Variants in SDK2 observed in about 807,000 individuals in gnomAD.
SDK2 encodes the protein sidekick cell adhesion molecule 2, also known as protein sidekick-2.
Under a neutral mutation model 253.9 loss-of-function variants are expected in SDK2, and 105 were observed. That is an observed-to-expected ratio of 0.41 (90% CI 0.35 to 0.49). The LOEUF is 0.49. Ranked by LOEUF, SDK2 falls within the 20% of genes least tolerant of loss-of-function variation. The pLI, the probability that SDK2 is intolerant of heterozygous loss-of-function variation, is 0.06. For synonymous variants in SDK2, 1,249 were observed against 1,234.9 expected, an observed-to-expected ratio of 1.01 and a Z score of -0.24; for missense variants, 2,608 against 3,003.0, an observed-to-expected ratio of 0.87 and a Z score of 3.07.
intron 4 of SDK2, among the ~76,000 whole-genome samples, chr17:73,454,993 G>A (rs533860684): frequency 7.9e-5 from 12 of 152,258 alleles, no homozygotes; most frequent in African/African-American, 2.4e-4. Context: ...GTGAGCCGCC[G>A]CGTCCGGCCT....
chr17:73,545,513 G>A (rs1327357597), intron 1 of SDK2, among the ~76,000 whole-genome samples: 1 of 152,190 alleles, frequency 6.6e-6, no homozygotes, highest in Non-Finnish European at 1.5e-5. Flanking sequence ...GAGAAGGGGT[G>A]CGTTTGAGCT....
chr17:73,436,583 A>AT (rs1360475415), intron 8 of SDK2, among the ~76,000 whole-genome samples: 4 of 143,206 alleles, frequency 2.8e-5, no homozygotes, highest in Middle Eastern at 3.7e-3. Context: ...TCTCAAAAAA[A>AT]AAAAAAAAAA....
At chr17:73,527,217 T>C (rs2064133077) in intron 1 of SDK2, among the ~76,000 whole-genome samples, 1 of 152,114 alleles carries the variant, frequency 6.6e-6, no homozygotes, top group African/African-American at 2.4e-5. Context: ...CATTGGACTG[T>C]CACTCTGCAC....
intron 1 of SDK2, among the ~76,000 whole-genome samples, chr17:73,539,425 A>T (rs929032460): frequency 4.6e-5 from 7 of 151,564 alleles, no homozygotes; most frequent in Admixed American, 1.3e-4. Context: ...TGCTCGGCTC[A>T]GCACAGCCAG....
At chr17:73,368,377 C>A in intron 37 of SDK2, 30 bp downstream of exon 37, 1 of 1,448,698 alleles carries the variant, frequency 6.9e-7, no homozygotes, top group Non-Finnish European at 9.1e-7. Flanking sequence ...GCCGACCTAC[C>A]CCTCCCCTCC....
At chr17:73,418,499 T>C (rs1225054945) in intron 16 of SDK2, among the ~76,000 whole-genome samples, 3 of 152,092 alleles carry the variant, frequency 2.0e-5, no homozygotes, top group Non-Finnish European at 4.4e-5. Flanking sequence ...AATTAACCAA[T>C]AGTGGAGCAG....
intron 1 of SDK2, among the ~76,000 whole-genome samples, chr17:73,586,303 A>T (rs1432493970): frequency 6.6e-6 from 1 of 151,834 alleles, no homozygotes; most frequent in Non-Finnish European, 1.5e-5. Context: ...ATTTATTTAT[A>T]TTCTCTTCAA....
At chr17:73,370,206 A>G (rs914057231) in intron 36 of SDK2, among the ~76,000 whole-genome samples, 3 of 152,160 alleles carry the variant, frequency 2.0e-5, no homozygotes, top group African/African-American at 7.2e-5. Flanking sequence ...TCTTGTTACC[A>G]TGAAATCCTT....
chr17:73,412,486 C>A (rs1209777815), intron 18 of SDK2, among the ~76,000 whole-genome samples: 1 of 151,964 alleles, frequency 6.6e-6, no homozygotes, highest in Non-Finnish European at 1.5e-5. Flanking sequence ...GTTGTGTCTG[C>A]AAAATCTGTA....
chr17:73,628,703 C>T lies in SDK2; in HGVS notation c.64+15322G>A, dbSNP rs938658292. Among the ~76,000 whole-genome samples the T allele has an allele frequency of 4.6e-5, 7 of 152,230 alleles. No homozygotes were observed. The East Asian group carries it at 5.8e-4, about 13-fold the overall frequency. Reference sequence around the variant, plus strand: ...CAGGGAAGTGGCCGTCTGTGCTGCTCATGGGGTAGCCCAAGGCTGGTCACT... The same window carrying T: ...CAGGGAAGTGGCCGTCTGTGCTGCTTATGGGGTAGCCCAAGGCTGGTCACT... On this transcript the variant is annotated intron_variant, in intron 1 of 44. Coordinates refer to ENST00000392650, the MANE Select transcript of SDK2 (RefSeq NM_001144952.2).
chr17:73,553,637 A>G (rs2045098575), intron 1 of SDK2, among the ~76,000 whole-genome samples: 1 of 152,122 alleles, frequency 6.6e-6, no homozygotes, highest in South Asian at 2.1e-4. Flanking sequence ...CACAGCCTCC[A>G]TCCCACCTGC....
At chr17:73,579,414 C>T (rs988653823) in intron 1 of SDK2, among the ~76,000 whole-genome samples, 1 of 152,154 alleles carries the variant, frequency 6.6e-6, no homozygotes, top group Non-Finnish European at 1.5e-5. Flanking sequence ...TTTGGCAGCA[C>T]CCTGCATCCT....
chr17:73,339,282 A>G (rs2062412842), intron 44 of SDK2, among the ~76,000 whole-genome samples: 1 of 148,440 alleles, frequency 6.7e-6, no homozygotes, highest in Non-Finnish European at 1.5e-5. Context: ...GCTGGAGTAC[A>G]TTGGCATGAT....
intron 2 of SDK2, among the ~76,000 whole-genome samples, chr17:73,483,268 G>A (rs2063738126): frequency 6.6e-6 from 1 of 151,452 alleles, no homozygotes; most frequent in Non-Finnish European, 1.5e-5. Flanking sequence ...AGGAGAGTGG[G>A]GCGACCCGCG....
At chr17:73,559,398 A>C (rs1307709655) in intron 1 of SDK2, among the ~76,000 whole-genome samples, 1 of 152,250 alleles carries the variant, frequency 6.6e-6, no homozygotes, top group Non-Finnish European at 1.5e-5. Flanking sequence ...GGAGTTGATA[A>C]ATGGAATAGA....
chr17:73,397,978 A>G, intron 24 of SDK2, 57 bp downstream of exon 24: 14 of 1,575,516 alleles, frequency 8.9e-6, no homozygotes, highest in Non-Finnish European at 1.2e-5. Context: ...ACCTTCTAGG[A>G]GGCAATGACC....
At position 73,379,574 on chromosome 17, in the gene SDK2, A is replaced by C; in HGVS notation, c.4763-25T>G. 1 of 1,436,010 alleles carries C rather than the reference A, an allele frequency of 7.0e-7. No homozygotes were observed. Among genetic ancestry groups the C allele is most frequent in the Non-Finnish European group, 9.7e-7 (1 of 1,026,792 alleles). 89.0% of individuals were successfully genotyped at this position (1,436,010 alleles called of 1,614,324 possible). A position where few individuals can be genotyped will look rare whatever the true frequency, so the allele number is the denominator to read the frequency against. ...TCTGTGGGGGAGAGTGGGGGAGGGG[A>C]AGCACACTGAGGTCACCGTCATTGC... On this transcript the variant is annotated intron_variant, in intron 34 of 44. Coordinates refer to ENST00000392650, the MANE Select transcript of SDK2 (RefSeq NM_001144952.2). This position sits in a 1 kb window ranked among gnomAD's most constrained non-coding sequence, Gnocchi z 4.5.
intron 1 of SDK2, among the ~76,000 whole-genome samples, chr17:73,521,628 G>T (rs2064080276): frequency 6.6e-6 from 1 of 152,162 alleles, no homozygotes. Flanking sequence ...GTTCTGGAGG[G>T]TGGGGATGCA....
intron 5 of SDK2, among the ~76,000 whole-genome samples, chr17:73,445,694 T>C (rs1350383958): frequency 6.8e-6 from 1 of 147,774 alleles, no homozygotes; most frequent in Non-Finnish European, 1.5e-5. Flanking sequence ...CCTCACAAAT[T>C]GGTTGGCAGG....
Sources: allele counts gnomAD v4.1 joint callset (sites outside exome capture counted in the v4.1 genomes callset), GRCh38; gene constraint gnomAD v4.1.1; non-coding constraint Gnocchi (gnomAD v3.1); transcripts MANE v1.5; gene names NCBI Gene and HGNC (gene_info 2026-07-23, HGNC 2026-07-21).